TMEM179: variants seen among roughly 807,000 people sequenced by gnomAD.
TMEM179 encodes the protein transmembrane protein 179A.
Under a neutral mutation model 22.2 loss-of-function variants are expected in TMEM179, and 17 were observed. That is an observed-to-expected ratio of 0.77 (90% confidence interval 0.52 to 1.15). The LOEUF (loss-of-function observed/expected upper bound fraction) is 1.15, where lower values mean the gene tolerates loss of function less well. Among genes scored for constraint, TMEM179 ranks in the 50% most tolerant of loss-of-function variants. TMEM179 has a pLI of 0.00. For missense variants in TMEM179, 265 were observed against 313.6 expected (o/e 0.84, Z 1.17); for synonymous variants, 127 against 140.5 (o/e 0.90, Z 0.68).
Position 104,604,301 on chromosome 14 carries a change from G to A in TMEM179, c.305+136C>T, listed in dbSNP as rs1887343289. On this transcript the variant is annotated intron_variant, in intron 1 of 3. Coordinates refer to ENST00000556573, the MANE Select transcript of TMEM179 (RefSeq NM_001286389.2). This position sits in a 1 kb window ranked among gnomAD's most constrained non-coding sequence, Gnocchi z 4.6. Reference sequence around the variant, plus strand: ...AAAGGGCGGTCTGAGTGGAGGGGGTGAGGGCGGATTGTTGACATTTGCGGG... The same window carrying A: ...AAAGGGCGGTCTGAGTGGAGGGGGTAAGGGCGGATTGTTGACATTTGCGGG... The A allele has an allele frequency of 7.2e-6, 7 of 967,076 alleles. No homozygotes were observed. The highest frequency in any genetic ancestry group is 8.7e-6 in the Non-Finnish European group (6 of 690,200). 59.9% of individuals were successfully genotyped at this position (967,076 alleles called of 1,614,324 possible). A position where few individuals can be genotyped will look rare whatever the true frequency, so the allele number is the denominator to read the frequency against.
In TMEM179 at chr14:104,597,603, T is replaced by C. The variant is rs1449685058; in HGVS notation, c.306-476A>G. ...GGTCATGAGGGTGAAGCCTCATGAA[T>C]GAAATGAGTGCCCTCCTAGGAGAGA... On this transcript the variant is annotated intron_variant, in intron 1 of 3. Coordinates refer to ENST00000556573, the MANE Select transcript of TMEM179 (RefSeq NM_001286389.2). This position sits in a 1 kb window ranked among gnomAD's most constrained non-coding sequence, Gnocchi z 4.8. Among the ~76,000 whole-genome samples, 1 of 151,960 alleles carries C rather than the reference T, an allele frequency of 6.6e-6. No individual in the cohort carries two copies. The highest frequency in any genetic ancestry group is 1.5e-5 in the Non-Finnish European group (1 of 67,986).
intron 1 of TMEM179, among the ~76,000 whole-genome samples, chr14:104,603,840 G>A (rs1011063373): frequency 2.0e-5 from 3 of 152,200 alleles, no homozygotes; most frequent in African/African-American, 7.2e-5. Context: ...GAAAGAGAAA[G>A]AGGAAAATGC....
Position 104,591,774 on chromosome 14 carries a change from C to A in TMEM179, c.*1705G>T, listed in dbSNP as rs1886851968. On this transcript the variant is annotated 3_prime_UTR_variant, in exon 4 of 4. Transcript: ENST00000556573. Reference sequence around the variant, plus strand: ...CAGGGTGGGTCATGAACTCAGGGAGCCAGGGGCTCGCCTCTCCCCGGGAAG... The same window carrying A: ...CAGGGTGGGTCATGAACTCAGGGAGACAGGGGCTCGCCTCTCCCCGGGAAG... 4.7e-6 allele frequency: 1 copy of A among 212,456 alleles called. No homozygotes were observed. Among genetic ancestry groups the A allele is most frequent in the Non-Finnish European group, 9.6e-6 (1 of 104,524 alleles). The allele number at this position is 212,456 out of a possible 1,614,324, so 13.2% of individuals were successfully genotyped here.
intron 1 of TMEM179, among the ~76,000 whole-genome samples, chr14:104,602,172 G>A (rs1408286166): frequency 6.6e-6 from 1 of 152,204 alleles, no homozygotes; most frequent in African/African-American, 2.4e-5. Context: ...CGGCATCCCT[G>A]GGCCTGCCGC....
At chr14:104,602,816 C>G (rs78673541) in intron 1 of TMEM179, among the ~76,000 whole-genome samples, 7,544 of 152,298 alleles carry the variant, frequency 0.05, 621 homozygotes, top group African/African-American at 0.17. Context: ...CTACTGACCC[C>G]CATCCAGAAC....
rs868358164 is a variant in TMEM179, at chr14:104,604,011, G to T, written c.305+426C>A. Among the ~76,000 whole-genome samples the T allele has an allele frequency of 1.3e-5, 2 of 152,206 alleles. No individual in the cohort carries two copies. The highest frequency in any genetic ancestry group is 4.1e-4 in the South Asian group (2 of 4,836). On this transcript the variant is annotated intron_variant, in intron 1 of 3. Coordinates refer to ENST00000556573, the MANE Select transcript of TMEM179 (RefSeq NM_001286389.2). The surrounding 1 kb of genome is among the most constrained non-coding windows in gnomAD (Gnocchi z 4.6). ...TCCCGGGGCGATGGTGCCGGGTGGG[G>T]CTCCCCAGTTCGCCTTGTCACTGGG...
chr14:104,599,201 G>A (rs902180142), intron 1 of TMEM179, among the ~76,000 whole-genome samples: 5 of 152,106 alleles, frequency 3.3e-5, no homozygotes, highest in Non-Finnish European at 5.9e-5. Flanking sequence ...ATGTGCCAGT[G>A]TCTCCCGCCT....
Position 104,604,527 on chromosome 14 carries a change from C to G in TMEM179, c.215G>C (p.Arg72Pro). ...CAGGAGGCTGGCGAGCAGGCTGAAGCGGCAGGCGGCCGGCGGGCCCCACTC... is the reference window on the plus strand; with the variant it reads ...CAGGAGGCTGGCGAGCAGGCTGAAGGGGCAGGCGGCCGGCGGGCCCCACTC... Reference protein sequence around the residue: ...VQEWGPPAACRFSLLASLLSL... With the variant: ...VQEWGPPAACPFSLLASLLSL... Residue 72 changes from arginine (R) to proline (P), a missense_variant, in exon 1 of 4, where the codon CGC becomes CCC. Physicochemically the swap from Arg to Pro is moderately radical, Grantham distance 103. Coordinates refer to ENST00000556573, the MANE Select transcript of TMEM179 (RefSeq NM_001286389.2). The surrounding 1 kb of genome is among the most constrained non-coding windows in gnomAD (Gnocchi z 4.6). 1 of 1,548,674 alleles carries G rather than the reference C, an allele frequency of 6.5e-7. No homozygotes were observed.
rs894193120 is a variant in TMEM179 at position 104,595,389 on chromosome 14, G to A, written c.444-146C>T. 4 of 756,708 alleles carry A rather than the reference G, an allele frequency of 5.3e-6. No homozygotes were observed. The highest frequency in any genetic ancestry group is 2.7e-5 in the Admixed American group (1 of 36,978). The allele number at this position is 756,708 out of a possible 1,614,324, so 46.9% of individuals were successfully genotyped here. A position where few individuals can be genotyped will look rare whatever the true frequency, so the allele number is the denominator to read the frequency against. On this transcript the variant is annotated intron_variant, in intron 2 of 3. Coordinates refer to ENST00000556573, the MANE Select transcript of TMEM179 (RefSeq NM_001286389.2). This position sits in a 1 kb window ranked among gnomAD's most constrained non-coding sequence, Gnocchi z 5.7. ...AGCAGGGAGTCTCTGGGGACATCACGGAGGGTTAGCCTCGATGCCTCCTCC... is the reference window on the plus strand; with the variant it reads ...AGCAGGGAGTCTCTGGGGACATCACAGAGGGTTAGCCTCGATGCCTCCTCC...
rs567974940 is a variant in TMEM179 at position 104,595,954 on chromosome 14, G to C, written c.444-711C>G. On this transcript the variant is annotated intron_variant, in intron 2 of 3. Coordinates refer to ENST00000556573, the MANE Select transcript of TMEM179 (RefSeq NM_001286389.2). The surrounding 1 kb of genome is among the most constrained non-coding windows in gnomAD (Gnocchi z 5.7). Reference sequence around the variant, plus strand: ...GAAGGGCTGGAAACAGTGTCTGTGAGGCCAAGGAAACTTTGCGTGTGTACC... The same window carrying C: ...GAAGGGCTGGAAACAGTGTCTGTGACGCCAAGGAAACTTTGCGTGTGTACC... Among the ~76,000 whole-genome samples the C allele has an allele frequency of 1.6e-4, 24 of 152,358 alleles. No homozygotes were observed. The highest frequency in any genetic ancestry group is 5.3e-4 in the African/African-American group (22 of 41,598).
intron 3 of TMEM179, among the ~76,000 whole-genome samples, chr14:104,593,872 C>G (rs1053097467): frequency 6.6e-6 from 1 of 152,246 alleles, no homozygotes; most frequent in Non-Finnish European, 1.5e-5. Flanking sequence ...TTTCCAGCAC[C>G]TGTGGCCCTC....
intron 3 of TMEM179, chr14:104,594,669 G>A: frequency 1.7e-6 from 2 of 1,204,902 alleles, no homozygotes; most frequent in Non-Finnish European, 2.1e-6. Flanking sequence ...CTTATACAAG[G>A]GCAGGGTGGC....
At chr14:104,594,939 C>T in intron 3 of TMEM179, 1 of 1,300,892 alleles carries the variant, frequency 7.7e-7, no homozygotes, top group Non-Finnish European at 9.8e-7. Context: ...GATTCTAACT[C>T]ACTGTGGCCA....
chr14:104,604,182 C>T lies in TMEM179; in HGVS notation c.305+255G>A, dbSNP rs1254416114. ...TCTGCAACCCAAGGGAGCAGATGCC[C>T]GGAAGCGGGAGGTGATGCGCAGCTG... On this transcript the variant is annotated intron_variant, in intron 1 of 3. Transcript: ENST00000556573. This position sits in a 1 kb window ranked among gnomAD's most constrained non-coding sequence, Gnocchi z 4.6. 6.6e-6 allele frequency among the ~76,000 whole-genome samples: 1 copy of T among 152,204 alleles called. No homozygotes were observed. The highest frequency in any genetic ancestry group is 2.4e-5 in the African/African-American group (1 of 41,456).
At chr14:104,602,120 C>T (rs1042689892) in intron 1 of TMEM179, among the ~76,000 whole-genome samples, 1 of 152,224 alleles carries the variant, frequency 6.6e-6, no homozygotes, top group African/African-American at 2.4e-5. Flanking sequence ...GGCTGACAGA[C>T]AGTCACCTTC....
intron 2 of TMEM179, among the ~76,000 whole-genome samples, chr14:104,596,360 C>T (rs1305586154): frequency 6.6e-6 from 1 of 152,182 alleles, no homozygotes; most frequent in Non-Finnish European, 1.5e-5. Flanking sequence ...CTCTGGGGCC[C>T]CCCACAAGCC....
chr14:104,594,179 C>T (rs1886938522), intron 3 of TMEM179: 23 of 1,231,966 alleles, frequency 1.9e-5, no homozygotes, highest in Non-Finnish European at 2.3e-5. Flanking sequence ...ACTGCACTCA[C>T]ACCTTAATCC....
chr14:104,591,359 G>C lies in TMEM179; in HGVS notation c.*2120C>G, dbSNP rs1886838057. The C allele has an allele frequency of 2.2e-6, 1 of 456,010 alleles. No individual in the cohort carries two copies. The highest frequency in any genetic ancestry group is 6.9e-5 in the East Asian group (1 of 14,392). 28.2% of individuals were successfully genotyped at this position (456,010 alleles called of 1,614,324 possible). A position where few individuals can be genotyped will look rare whatever the true frequency, so the allele number is the denominator to read the frequency against. On this transcript the variant is annotated 3_prime_UTR_variant, in exon 4 of 4. Transcript: ENST00000556573. ...GTGGCCTGGATCAGGGCTGGGCAGA[G>C]GGTGAGGCAGGAGCCACCCCACCTT... is the stretch of plus-strand genomic sequence containing the variant.
At chr14:104,594,246 T>A in intron 3 of TMEM179, 1 of 1,231,664 alleles carries the variant, frequency 8.1e-7, no homozygotes, top group East Asian at 3.2e-5. Context: ...CATGAAGGTG[T>A]CTTTGACAGG....
Sources: gnomAD v4.1 joint callset for allele counts (sites outside exome capture counted in the v4.1 genomes callset) on GRCh38, gnomAD v4.1.1 for gene constraint, Gnocchi (gnomAD v3.1) non-coding constraint, MANE v1.5 for transcripts, NCBI Gene and HGNC (gene_info 2026-07-23, HGNC 2026-07-21) for gene names.